Variants in TIAM2 observed in about 807,000 individuals in gnomAD.
The protein encoded by TIAM2 is TIAM Rac1 associated GEF 2.
A neutral mutation model predicts 152.9 loss-of-function variants in TIAM2; 80 were observed. The ratio of observed to expected loss-of-function variants is 0.52; its 90% CI spans 0.44 to 0.63. The LOEUF is 0.63. Among genes scored for constraint, TIAM2 ranks in the 30% least tolerant of loss-of-function variants. The pLI is 0.00. For synonymous variants in TIAM2, 804 were observed against 838.0 expected, an observed-to-expected ratio of 0.96 and a Z score of 0.70; for missense variants, 1,965 against 2,120.1, an observed-to-expected ratio of 0.93 and a Z score of 1.44.
intron 9 of TIAM2, among the ~76,000 whole-genome samples, chr6:155,175,522 A>G (rs1382371964): frequency 1.3e-5 from 2 of 152,366 alleles, no homozygotes; most frequent in East Asian, 1.9e-4. Context: ...TTTGCTCACA[A>G]AAACTTAAGT....
At position 155,213,903 on chromosome 6, in the gene TIAM2, C is replaced by T. The variant is rs1403202268; in HGVS notation, c.3168+2596C>T. On this transcript the variant is annotated intron_variant, in intron 15 of 26. Coordinates refer to ENST00000682666, the MANE Select transcript of TIAM2 (RefSeq NM_012454.4). This position sits in a 1 kb window ranked among gnomAD's most constrained non-coding sequence, Gnocchi z 4.2. ...CTTTGCTCCAAGAGCAGAGCGGGCA[C>T]CAGGAGTAGGGAGAAACCAGGCAGT... 6.6e-6 allele frequency among the ~76,000 whole-genome samples: 1 copy of T among 152,208 alleles called. No homozygotes were observed. Among genetic ancestry groups the T allele is most frequent in the Non-Finnish European group, 1.5e-5 (1 of 68,030 alleles).
At chr6:155,003,371 C>T (rs1885700) in intron 1 of TIAM2, among the ~76,000 whole-genome samples, 106,804 of 151,952 alleles carry the variant, frequency 0.7, 39,876 homozygotes, top group East Asian at 0.92. Flanking sequence ...TCCAAGCTAC[C>T]CAAGAGGCTG....
At chr6:155,021,673 A>G (rs1007185950) in intron 1 of TIAM2, among the ~76,000 whole-genome samples, 2 of 152,130 alleles carry the variant, frequency 1.3e-5, no homozygotes, top group Non-Finnish European at 2.9e-5. Flanking sequence ...TTACCTCTGC[A>G]AAGTGCTAGG....
At chr6:155,044,418 T>C (rs1353520060) in intron 1 of TIAM2, among the ~76,000 whole-genome samples, 1 of 152,216 alleles carries the variant, frequency 6.6e-6, no homozygotes, top group Non-Finnish European at 1.5e-5. Context: ...TGTTTTTTAT[T>C]CGTTTAGCTG....
intron 2 of TIAM2, among the ~76,000 whole-genome samples, chr6:155,110,332 T>TTTTTTTTGTG (rs1244132833): frequency 7.3e-6 from 1 of 137,448 alleles, no homozygotes. Context: ...TTTTTTTTGT[T>TTTTTTTTGTG]GTTCTTTCTT....
intron 9 of TIAM2, among the ~76,000 whole-genome samples, chr6:155,167,252 C>T (rs995297653): frequency 6.6e-6 from 1 of 151,930 alleles, no homozygotes; most frequent in Non-Finnish European, 1.5e-5. Context: ...GACAGAGAGT[C>T]TCTCTGTCAC....
intron 1 of TIAM2, among the ~76,000 whole-genome samples, chr6:155,021,014 C>G (rs1023896885): frequency 6.6e-6 from 1 of 152,140 alleles, no homozygotes; most frequent in Non-Finnish European, 1.5e-5. Context: ...TTTTGCTTAG[C>G]GTGATGTCCT....
intron 13 of TIAM2, 143 bp from the exon 14 acceptor site, chr6:155,183,094 T>G: frequency 9.5e-7 from 1 of 1,054,328 alleles, no homozygotes; most frequent in Non-Finnish European, 1.3e-6. Flanking sequence ...CCACTGTGCC[T>G]GGCTGGCACT....
At chr6:155,253,820 A>AGTTCTTCTCTG in intron 24 of TIAM2, 153 bp from the exon 25 acceptor site, 1 of 581,710 alleles carries the variant, frequency 1.7e-6, no homozygotes, top group Non-Finnish European at 3.0e-6. Flanking sequence ...TGTAACTGTG[A>AGTTCTTCTCTG]AAATCATACA....
rs984781912 is a variant in TIAM2 at position 155,179,154 on chromosome 6, A to G, written c.2628+11A>G. 6 of 1,604,142 alleles carry G rather than the reference A, an allele frequency of 3.7e-6. No individual in the cohort carries two copies. Among genetic ancestry groups the G allele is most frequent in the South Asian group, 1.1e-5 (1 of 89,556 alleles). On this transcript the variant is annotated intron_variant, in intron 11 of 26. Transcript: ENST00000682666. The stretch of plus-strand genomic sequence containing the variant: ...TATATGCAACAACAGGTAAGTGTGC[A>G]CTAGCTTTAGGAAGGGAAACTGAAC...
chr6:155,036,533 A>AG (rs917656117), intron 1 of TIAM2, among the ~76,000 whole-genome samples: 2 of 150,622 alleles, frequency 1.3e-5, no homozygotes, highest in African/African-American at 4.9e-5. Flanking sequence ...AAAAAAAAAA[A>AG]GAGTGTGTTG....
chr6:155,032,501 A>G (rs1438658373), intron 1 of TIAM2, among the ~76,000 whole-genome samples: 1 of 152,072 alleles, frequency 6.6e-6, no homozygotes, highest in Non-Finnish European at 1.5e-5. Context: ...TGTGTTCTTC[A>G]TCTCTGCTGC....
intron 9 of TIAM2, among the ~76,000 whole-genome samples, chr6:155,167,882 A>T (rs1257486866): frequency 2.0e-5 from 3 of 152,236 alleles, no homozygotes; most frequent in Non-Finnish European, 4.4e-5. Flanking sequence ...GATATAAATA[A>T]TAACTTGATA....
chr6:155,108,915 C>T (rs1031626933), intron 2 of TIAM2, among the ~76,000 whole-genome samples: 9 of 152,138 alleles, frequency 5.9e-5, no homozygotes, highest in African/African-American at 2.2e-4. Context: ...AGGTTTGACT[C>T]ACTTTGTAAG....
At chr6:155,099,519 T>C (rs1778505857) in intron 2 of TIAM2, among the ~76,000 whole-genome samples, 2 of 152,138 alleles carry the variant, frequency 1.3e-5, no homozygotes, top group Non-Finnish European at 2.9e-5. Flanking sequence ...TCCGTAGCCA[T>C]TGAGTAATTA....
chr6:155,041,323 T>C (rs1404250662), intron 1 of TIAM2, among the ~76,000 whole-genome samples: 1 of 152,194 alleles, frequency 6.6e-6, no homozygotes, highest in Non-Finnish European at 1.5e-5. Context: ...TGTGGTGAAT[T>C]GAAAGTTGCT....
intron 2 of TIAM2, among the ~76,000 whole-genome samples, chr6:155,114,036 A>ATATTTTTTTTTTTTTTTTTTTT: frequency 2.0e-4 from 7 of 34,908 alleles, no homozygotes; most frequent in East Asian, 7.1e-4. Flanking sequence ...ATATATATAT[A>ATATTTTTTTTTTTTTTTTTTTT]TTTTTTTTTT....
rs1339427902 is a variant in TIAM2 at position 155,174,609 on chromosome 6, T to C, written c.2362-2207T>C. Among the ~76,000 whole-genome samples the C allele has an allele frequency of 1.3e-5, 2 of 152,202 alleles. No homozygotes were observed. The highest frequency in any genetic ancestry group is 2.9e-5 in the Non-Finnish European group (2 of 68,032). ...GTCTTGAACTCATGACCTTAGGTGA[T>C]CCACTGGCCTCGGCCTCCCAAAGTG... is the stretch of plus-strand genomic sequence containing the variant. On this transcript the variant is annotated intron_variant, in intron 9 of 26. Coordinates refer to ENST00000682666, the MANE Select transcript of TIAM2 (RefSeq NM_012454.4). The surrounding 1 kb of genome is among the most constrained non-coding windows in gnomAD (Gnocchi z 4.2).
At chr6:155,020,889 C>G (rs759223411) in intron 1 of TIAM2, among the ~76,000 whole-genome samples, 2 of 152,166 alleles carry the variant, frequency 1.3e-5, no homozygotes, top group South Asian at 2.1e-4. Context: ...AACAATACCC[C>G]CCATTTCTTC....
Sources: gnomAD v4.1 joint callset for allele counts (sites outside exome capture counted in the v4.1 genomes callset) on GRCh38, gnomAD v4.1.1 for gene constraint, Gnocchi (gnomAD v3.1) non-coding constraint, MANE v1.5 for transcripts, NCBI Gene and HGNC (gene_info 2026-07-23, HGNC 2026-07-21) for gene names.